MBNL1: variants seen among roughly 807,000 people sequenced by gnomAD.
MBNL1 encodes muscleblind like splicing regulator 1, also known as muscleblind-like protein 1.
MBNL1 carries 8 observed loss-of-function variants against 42.2 expected under a neutral mutation model. That is an observed-to-expected ratio of 0.19 (90% CI 0.11 to 0.34). The LOEUF is 0.34. MBNL1 is among the 10% of genes least tolerant of loss of function. The pLI is 1.00. For missense variants in MBNL1, 309 were observed against 495.3 expected (o/e 0.62, Z 3.57); for synonymous variants, 169 against 173.9 (o/e 0.97, Z 0.22).
At chr3:152,455,401 C>T (rs1731693668) in intron 6 of MBNL1, 141 bp from the exon 7 acceptor site, 3 of 691,854 alleles carry the variant, frequency 4.3e-6, no homozygotes, top group South Asian at 1.7e-5. Flanking sequence ...TTTGATTGTG[C>T]TGACAGTTAC....
intron 3 of MBNL1, among the ~76,000 whole-genome samples, chr3:152,423,829 A>G (rs2098845674): frequency 6.6e-6 from 1 of 152,226 alleles, no homozygotes. Flanking sequence ...CAATGACAAA[A>G]ACCACATGAT....
At chr3:152,277,558 A>C (rs2045976204) in intron 1 of MBNL1, among the ~76,000 whole-genome samples, 1 of 151,370 alleles carries the variant, frequency 6.6e-6, no homozygotes, top group Non-Finnish European at 1.5e-5. Flanking sequence ...TTATAAACAG[A>C]ATGATTTACA....
intron 3 of MBNL1, among the ~76,000 whole-genome samples, chr3:152,428,512 G>C (rs779859228): frequency 2.6e-5 from 4 of 152,174 alleles, no homozygotes; most frequent in Admixed American, 6.5e-5. Context: ...AGCACAATTA[G>C]GAATTAAACA....
At chr3:152,244,709 T>C (rs528359670) in intron 2 of MBNL1, among the ~76,000 whole-genome samples, 2 of 152,330 alleles carry the variant, frequency 1.3e-5, no homozygotes, top group South Asian at 2.1e-4. Flanking sequence ...TCTTGTGTAT[T>C]TGTAATTTTG....
intron 1 of MBNL1, among the ~76,000 whole-genome samples, chr3:152,271,306 A>C (rs936865168): frequency 5.3e-5 from 8 of 152,214 alleles, no homozygotes; most frequent in Non-Finnish European, 1.0e-4. Flanking sequence ...AGACTAACCC[A>C]AAATTTCTCC....
At chr3:152,310,222 A>G (rs1263742533) in intron 2 of MBNL1, among the ~76,000 whole-genome samples, 3 of 152,222 alleles carry the variant, frequency 2.0e-5, no homozygotes, top group East Asian at 1.9e-4. Flanking sequence ...ATCAGTTTCT[A>G]TAATTCAGTG....
intron 4 of MBNL1, among the ~76,000 whole-genome samples, chr3:152,435,127 A>G (rs922396366): frequency 6.6e-6 from 1 of 152,074 alleles, no homozygotes; most frequent in African/African-American, 2.4e-5. Flanking sequence ...TCCTATGTCA[A>G]GAATGGTATT....
At chr3:152,327,313 G>A (rs2081021787) in intron 2 of MBNL1, among the ~76,000 whole-genome samples, 2 of 151,774 alleles carry the variant, frequency 1.3e-5, no homozygotes, top group South Asian at 2.1e-4. Flanking sequence ...TAGTCCCTGA[G>A]GATGTAGATA....
At chr3:152,449,267 G>A (rs1343380521) in intron 6 of MBNL1, 2 of 152,136 alleles carry the variant, frequency 1.3e-5, no homozygotes, top group African/African-American at 4.8e-5. Flanking sequence ...ATAAATGACC[G>A]TTTCAGCTAG....
chr3:152,452,855 A>G (rs1230988065), intron 6 of MBNL1, among the ~76,000 whole-genome samples: 2 of 152,124 alleles, frequency 1.3e-5, no homozygotes, highest in Admixed American at 6.6e-5. Context: ...ACTTTAAACA[A>G]CTTCTATTTT....
chr3:152,382,927 T>C (rs1176583170), intron 2 of MBNL1, among the ~76,000 whole-genome samples: 1 of 152,068 alleles, frequency 6.6e-6, no homozygotes, highest in Non-Finnish European at 1.5e-5. Flanking sequence ...TCACATCTCT[T>C]GAGGAATGAT....
chr3:152,261,035 G>A (rs868824153), intron 2 of MBNL1, among the ~76,000 whole-genome samples: 2 of 152,156 alleles, frequency 1.3e-5, no homozygotes, highest in African/African-American at 4.8e-5. Flanking sequence ...AATGGAACAG[G>A]TCAATGGATT....
At chr3:152,327,194 G>T (rs2080938477) in intron 2 of MBNL1, among the ~76,000 whole-genome samples, 1 of 151,850 alleles carries the variant, frequency 6.6e-6, no homozygotes, top group African/African-American at 2.4e-5. Flanking sequence ...TATCAAAAAA[G>T]TTTTCTTTCC....
intron 2 of MBNL1, among the ~76,000 whole-genome samples, chr3:152,379,466 T>C (rs1188418405): frequency 6.6e-6 from 1 of 152,214 alleles, no homozygotes; most frequent in Non-Finnish European, 1.5e-5. Flanking sequence ...TGGAAAAATA[T>C]ATTTTCCTTT....
intron 2 of MBNL1, among the ~76,000 whole-genome samples, chr3:152,373,360 A>C (rs1216546643): frequency 2.6e-5 from 4 of 151,072 alleles, no homozygotes; most frequent in Admixed American, 6.6e-5. Flanking sequence ...AAAAAAAAAA[A>C]AAAAACCTTC....
chr3:152,357,246 C>T (rs932747152), intron 2 of MBNL1, among the ~76,000 whole-genome samples: 4 of 152,116 alleles, frequency 2.6e-5, no homozygotes, highest in Admixed American at 2.6e-4. Flanking sequence ...AGGACGGAGG[C>T]AGGATTCAGT....
chr3:152,376,805 C>T (rs2096924634), intron 2 of MBNL1, among the ~76,000 whole-genome samples: 1 of 152,088 alleles, frequency 6.6e-6, no homozygotes, highest in Non-Finnish European at 1.5e-5. Flanking sequence ...CGTGCATGCG[C>T]ACACACACAC....
At chr3:152,255,540 T>C (rs1323093011) in intron 2 of MBNL1, among the ~76,000 whole-genome samples, 1 of 152,052 alleles carries the variant, frequency 6.6e-6, no homozygotes, top group Non-Finnish European at 1.5e-5. Context: ...ATTCATGAAG[T>C]CATATATCAA....
chr3:152,419,685 TTTTGTTTG>T (rs137968164), intron 3 of MBNL1, among the ~76,000 whole-genome samples: 62,786 of 149,038 alleles, frequency 0.42, 13,493 homozygotes, highest in East Asian at 0.52. Context: ...GCAGGAGTTT[TTTTGTTTG>T]TTTGTTTGTT....
Sources: gnomAD v4.1 joint callset for allele counts (sites outside exome capture counted in the v4.1 genomes callset) on GRCh38, gnomAD v4.1.1 for gene constraint, MANE v1.5 for transcripts, NCBI Gene and HGNC (gene_info 2026-07-23, HGNC 2026-07-21) for gene names.